BTRC: variants seen among roughly 807,000 people sequenced by gnomAD.
BTRC encodes the protein beta-transducin repeat containing E3 ubiquitin protein ligase, also known as F-box/WD repeat-containing protein 1A.
BTRC carries 42 observed loss-of-function variants against 85.5 expected under a neutral mutation model. That is an observed-to-expected ratio of 0.49 (90% CI 0.38 to 0.64). The LOEUF (loss-of-function observed/expected upper bound fraction) is 0.64, where lower values mean the gene tolerates loss of function less well. Among genes scored for constraint, BTRC ranks in the 30% least tolerant of loss-of-function variants. The pLI, the probability that BTRC is intolerant of heterozygous loss-of-function variation, is 0.00. For missense variants in BTRC, 594 were observed against 743.5 expected, an observed-to-expected ratio of 0.80 and a Z score of 2.34; for synonymous variants, 255 against 263.3, an observed-to-expected ratio of 0.97 and a Z score of 0.30.
At chr10:101,490,351 A>C (rs546262151) in intron 4 of BTRC, among the ~76,000 whole-genome samples, 1 of 152,190 alleles carries the variant, frequency 6.6e-6, no homozygotes, top group African/African-American at 2.4e-5. Flanking sequence ...ATTCAGCCCC[A>C]GTGTTCAGGC....
intron 4 of BTRC, among the ~76,000 whole-genome samples, chr10:101,520,012 A>C (rs1378535787): frequency 1.3e-5 from 2 of 151,964 alleles, no homozygotes; most frequent in Non-Finnish European, 2.9e-5. Context: ...AACAAACAAA[A>C]AAGAATCTTG....
chr10:101,552,309 C>T (rs1254753452), intron 14 of BTRC, among the ~76,000 whole-genome samples: 5 of 151,796 alleles, frequency 3.3e-5, no homozygotes, highest in Non-Finnish European at 7.4e-5. Flanking sequence ...CTGCCTCAGC[C>T]TCCTGAGTAC....
In BTRC at chr10:101,521,633, C is replaced by G. The variant is rs1447024815; in HGVS notation, c.325-6C>G. The G allele has an allele frequency of 1.2e-6, 2 of 1,606,430 alleles. No homozygotes were observed. The highest frequency in any genetic ancestry group is 2.7e-5 in the African/African-American group (2 of 74,714). ...ATTTTATGTTTCTTTTAACCCCCTTCTACAGACAAAACTTGCCAATGGCAC... is the reference window on the plus strand; with the variant it reads ...ATTTTATGTTTCTTTTAACCCCCTTGTACAGACAAAACTTGCCAATGGCAC... On this transcript the variant is annotated splice_region_variant and splice_polypyrimidine_tract_variant and intron_variant, in intron 4 of 14. Transcript: ENST00000370187.
intron 13 of BTRC, among the ~76,000 whole-genome samples, chr10:101,540,857 A>G (rs913855213): frequency 6.6e-6 from 1 of 152,164 alleles, no homozygotes; most frequent in Non-Finnish European, 1.5e-5. Flanking sequence ...CTTCTGAACA[A>G]TATTGAGTCT....
intron 14 of BTRC, chr10:101,551,104 G>T: frequency 2.4e-6 from 1 of 421,004 alleles, no homozygotes; most frequent in South Asian, 7.3e-5. Context: ...TGATTCTAGG[G>T]TCCTACTTGT....
intron 2 of BTRC, among the ~76,000 whole-genome samples, chr10:101,434,757 T>C (rs1944484054): frequency 2.0e-5 from 3 of 151,358 alleles, no homozygotes; most frequent in African/African-American, 7.3e-5. Context: ...AAACCACTGC[T>C]TAAGAACAGC....
intron 4 of BTRC, among the ~76,000 whole-genome samples, chr10:101,484,820 T>C (rs1589534003): frequency 6.6e-6 from 1 of 152,262 alleles, no homozygotes; most frequent in East Asian, 1.9e-4. Context: ...GATGTAATAT[T>C]CTTTTTGAAA....
chr10:101,404,792 A>C (rs1410505520), intron 1 of BTRC, among the ~76,000 whole-genome samples: 1 of 151,992 alleles, frequency 6.6e-6, no homozygotes, highest in Non-Finnish European at 1.5e-5. Flanking sequence ...AGGTCAGGAG[A>C]TCGAGACCAT....
intron 2 of BTRC, among the ~76,000 whole-genome samples, chr10:101,452,261 C>A (rs2134142206): frequency 6.6e-6 from 1 of 152,302 alleles, no homozygotes; most frequent in African/African-American, 2.4e-5. Flanking sequence ...AAATGAACTT[C>A]TTTTTTATTA....
At chr10:101,422,760 T>C (rs2134058265) in intron 1 of BTRC, among the ~76,000 whole-genome samples, 1 of 152,294 alleles carries the variant, frequency 6.6e-6, no homozygotes, top group South Asian at 2.1e-4. Flanking sequence ...GTCAGGTTTG[T>C]CAAAGATCAG....
chr10:101,499,557 T>C (rs1363373010), intron 4 of BTRC, among the ~76,000 whole-genome samples: 2 of 151,968 alleles, frequency 1.3e-5, no homozygotes, highest in Admixed American at 6.6e-5. Context: ...TAAATAATTA[T>C]GTATCTTACC....
intron 1 of BTRC, among the ~76,000 whole-genome samples, chr10:101,398,097 A>C (rs1943408834): frequency 6.6e-6 from 1 of 152,128 alleles, no homozygotes; most frequent in South Asian, 2.1e-4. Flanking sequence ...TGGCATTGGC[A>C]TCTCTGTATT....
intron 2 of BTRC, among the ~76,000 whole-genome samples, chr10:101,444,160 G>C (rs1003548975): frequency 2.0e-5 from 3 of 152,192 alleles, no homozygotes; most frequent in African/African-American, 7.2e-5. Context: ...TTTCAGACTA[G>C]TCTGTGTCTT....
rs552517070 is a variant in BTRC, at chr10:101,409,827, GGGCT to G, written c.49-20516_49-20513del. Among the ~76,000 whole-genome samples the G allele has an allele frequency of 8.1e-4, 123 of 152,224 alleles. 3 individuals carry two copies. In the South Asian group the frequency reaches 0.024, roughly 30 times the overall value. On this transcript the variant is annotated intron_variant, in intron 1 of 14. Transcript: ENST00000370187. ...TGTTTATTCGTTGATAAGTATTTTT[GGGCT>G]GTTTTCAACCTTTTGCCAATTTTGA...
intron 1 of BTRC, among the ~76,000 whole-genome samples, chr10:101,366,985 T>A (rs867901521): frequency 0.058 from 3,830 of 65,858 alleles, 971 homozygotes; most frequent in Non-Finnish European, 0.09. Flanking sequence ...TTTATATATT[T>A]ATATATATTA....
chr10:101,414,503 A>AT (rs1320556664), intron 1 of BTRC, among the ~76,000 whole-genome samples: 1 of 152,160 alleles, frequency 6.6e-6, no homozygotes, highest in South Asian at 2.1e-4. Context: ...ACTGTACAGT[A>AT]TTTTTTATTG....
At chr10:101,543,751 T>C (rs534993651) in intron 13 of BTRC, among the ~76,000 whole-genome samples, 4 of 152,310 alleles carry the variant, frequency 2.6e-5, no homozygotes, top group African/African-American at 9.6e-5. Context: ...GATGATATTG[T>C]ACCACTTCAT....
intron 5 of BTRC, among the ~76,000 whole-genome samples, chr10:101,524,870 C>G (rs905970024): frequency 5.3e-5 from 8 of 152,142 alleles, no homozygotes; most frequent in African/African-American, 1.7e-4. Context: ...CCATTTAATG[C>G]TTTCTTTCTC....
intron 1 of BTRC, among the ~76,000 whole-genome samples, chr10:101,429,748 G>C (rs1243355626): frequency 6.7e-6 from 1 of 148,966 alleles, no homozygotes; most frequent in African/African-American, 2.5e-5. Flanking sequence ...AGCTGCTATG[G>C]TAACTGTGCA....
Sources: gnomAD v4.1 joint callset for allele counts (sites outside exome capture counted in the v4.1 genomes callset) on GRCh38, gnomAD v4.1.1 for gene constraint, MANE v1.5 for transcripts, NCBI Gene and HGNC (gene_info 2026-07-23, HGNC 2026-07-21) for gene names.